The following MMP10 variants were observed in gnomAD, a reference collection of about 807,000 sequenced individuals.
MMP10 encodes stromelysin-2.
In MMP10, 50 loss-of-function variants were observed where a neutral mutation model predicts 49.1. The observed-to-expected ratio is 1.02, with a 90% CI of 0.81 to 1.29. The LOEUF (loss-of-function observed/expected upper bound fraction) is 1.29. Among genes scored for constraint, MMP10 ranks in the 50% most tolerant of loss-of-function variants. The pLI is 0.00. For synonymous variants in MMP10, 229 were observed against 201.6 expected (o/e 1.14, Z -1.15); for missense variants, 613 against 563.8 (o/e 1.09, Z -0.88).
intron 7 of MMP10, among the ~76,000 whole-genome samples, chr11:102,774,004 A>G (rs1466173303): frequency 6.6e-6 from 1 of 152,262 alleles, no homozygotes; most frequent in East Asian, 1.9e-4. Context: ...AATCCTTTAC[A>G]ATTTCTACTG....
In MMP10 at chr11:102,775,380, T is replaced by A. The variant is rs920510019; in HGVS notation, c.933-59A>T. ...CTCTTTTAGATATGTGAAAAAAAAATTCTTTTTTTTTAAATCCATGCTAAT... is the reference window on the plus strand; with the variant it reads ...CTCTTTTAGATATGTGAAAAAAAAAATCTTTTTTTTTAAATCCATGCTAAT... On this transcript the variant is annotated intron_variant, in intron 6 of 9. Coordinates refer to ENST00000279441, the MANE Select transcript of MMP10 (RefSeq NM_002425.3). 2.8e-5 allele frequency: 40 copies of A among 1,426,822 alleles called. No individual in the cohort carries two copies. The African/African-American group carries it at 4.2e-4, about 15-fold the overall frequency. The allele number at this position is 1,426,822 out of a possible 1,614,324, so 88.4% of individuals were successfully genotyped here.
At chr11:102,776,928 T>C in intron 4 of MMP10, 152 bp from the exon 5 acceptor site, 2 of 911,744 alleles carry the variant, frequency 2.2e-6, no homozygotes, top group Non-Finnish European at 3.3e-6. Flanking sequence ...ATTCCATACT[T>C]TATAGAAATT....
Position 102,780,567 on chromosome 11 carries a change from G to C in MMP10, c.25C>G (p.Leu9Val), listed in dbSNP as rs1189874302. 6.2e-7 allele frequency: 1 copy of C among 1,613,720 alleles called. No individual in the cohort carries two copies. Among genetic ancestry groups the C allele is most frequent in the East Asian group, 2.2e-5 (1 of 44,890 alleles). ...GCAGAGCAGACTGGCAGACACAACA[G>C]CACAAGGAATGCAAGATGCATCATT... MMHLAFLV[L>V]LCLPVCSAYP... The change falls in exon 1 of 10, where the codon CTG (leucine) becomes GTG (valine). Residue 9 changes from leucine to valine, a missense_variant. Transcript: ENST00000279441.
intron 7 of MMP10, 82 bp downstream of exon 7, chr11:102,775,106 A>G: frequency 9.3e-7 from 1 of 1,079,608 alleles, no homozygotes; most frequent in Non-Finnish European, 1.2e-6. Context: ...CTAAACTTTA[A>G]TATAATGGAT....
chr11:102,776,247 A>T (rs1325869214), intron 6 of MMP10, 33 bp downstream of exon 6: 4 of 1,587,768 alleles, frequency 2.5e-6, no homozygotes, highest in Non-Finnish European at 1.7e-6. Flanking sequence ...ACATCAAAAG[A>T]ATAGATAGGA....
intron 3 of MMP10, 118 bp downstream of exon 3, chr11:102,779,095 C>A: frequency 1.4e-6 from 2 of 1,428,904 alleles, no homozygotes; most frequent in East Asian, 2.3e-5. Context: ...GACTTCCCAG[C>A]CTCCAGAATT....
At chr11:102,776,822 C>T in intron 4 of MMP10, 46 bp from the exon 5 acceptor site, 1 of 1,607,068 alleles carries the variant, frequency 6.2e-7, no homozygotes, top group Non-Finnish European at 8.5e-7. Context: ...CTCTTTCTTC[C>T]ATAAATACAC....
chr11:102,774,399 A>G (rs1030233801), intron 7 of MMP10, among the ~76,000 whole-genome samples: 3 of 152,062 alleles, frequency 2.0e-5, no homozygotes, highest in Non-Finnish European at 4.4e-5. Context: ...TAATATAGAG[A>G]GTAAATAAAG....
chr11:102,779,780 G>A, intron 1 of MMP10, 35 bp from the exon 2 acceptor site: 4 of 1,582,800 alleles, frequency 2.5e-6, no homozygotes, highest in Non-Finnish European at 3.4e-6. Flanking sequence ...GCATTTTTGT[G>A]ATTTTCCATC....
intron 7 of MMP10, among the ~76,000 whole-genome samples, chr11:102,773,500 A>G (rs1345435688): frequency 1.3e-5 from 2 of 152,140 alleles, no homozygotes; most frequent in African/African-American, 4.8e-5. Context: ...ACTTTGTTAC[A>G]TCACTCTCCC....
chr11:102,773,218 T>G (rs1030311823), intron 7 of MMP10, among the ~76,000 whole-genome samples: 1 of 152,250 alleles, frequency 6.6e-6, no homozygotes, highest in Non-Finnish European at 1.5e-5. Context: ...CTGCCCTTTC[T>G]GTGTCTTATA....
At chr11:102,774,594 C>G (rs1417771683) in intron 7 of MMP10, among the ~76,000 whole-genome samples, 1 of 152,104 alleles carries the variant, frequency 6.6e-6, no homozygotes, top group Non-Finnish European at 1.5e-5. Flanking sequence ...TGAAAACAGA[C>G]AAAATTGGCA....
rs186671241 is a variant in MMP10, at chr11:102,779,472, A to C, written c.347+32T>G. On this transcript the variant is annotated intron_variant, in intron 2 of 9. Coordinates refer to ENST00000279441, the MANE Select transcript of MMP10 (RefSeq NM_002425.3). The stretch of plus-strand genomic sequence containing the variant: ...TATGACGAGTAACTTATAAGGTTTC[A>C]ATATTATGTGAAAACTAATCTGAAC... The C allele has an allele frequency of 1.9e-4, 311 of 1,612,292 alleles. 2 individuals carry two copies. The African/African-American group carries it at 3.5e-3, about 18-fold the overall frequency.
At position 102,778,713 on chromosome 11, in the gene MMP10, T is replaced by C; in HGVS notation, c.533A>G (p.His178Arg). The C allele has an allele frequency of 6.2e-7, 1 of 1,613,948 alleles. No homozygotes were observed. Among genetic ancestry groups the C allele is most frequent in the Non-Finnish European group, 8.5e-7 (1 of 1,179,940 alleles). The part of the protein sequence containing the change: ...GDFYSFDGPG[H>R]SLAHAYPPGP... ...AGGTGGGTAGGCATGAGCCAAACTG[T>C]GTCCTGGGCCATCAAAAGAGTAAAA... Residue 178 changes from histidine to arginine, a missense_variant, in exon 4 of 10, where the codon CAC becomes CGC. His to Arg is a conservative substitution (Grantham distance 29, BLOSUM62 0). Transcript: ENST00000279441.
chr11:102,775,360 T>C (rs753288033), intron 6 of MMP10, 39 bp from the exon 7 acceptor site: 2 of 1,541,954 alleles, frequency 1.3e-6, no homozygotes, highest in Admixed American at 3.9e-5. Context: ...TCTTTCTCTT[T>C]TAGATATGTG....
chr11:102,773,240 A>G (rs1057159490), intron 7 of MMP10, among the ~76,000 whole-genome samples: 1 of 152,196 alleles, frequency 6.6e-6, no homozygotes. Context: ...ATTTGTATCT[A>G]TATGTTATAG....
Position 102,775,275 on chromosome 11 carries a change from A to G in MMP10, c.979T>C (p.Leu327=). The stretch of plus-strand genomic sequence containing the variant: ...AGAGAGGGCCAAAATGCAGAAATCA[A>G]ATGAAATTCAGGTTCAGGGTTCCAG... ...SHWNPEPEFH[L]ISAFWPSLPS... Residue 327 remains leucine, a synonymous_variant, in exon 7 of 10, where the codon TTG becomes CTG. Coordinates refer to ENST00000279441, the MANE Select transcript of MMP10 (RefSeq NM_002425.3). 6.2e-7 allele frequency: 1 copy of G among 1,610,246 alleles called. No individual in the cohort carries two copies. The highest frequency in any genetic ancestry group is 8.5e-7 in the Non-Finnish European group (1 of 1,177,852).
Position 102,770,842 on chromosome 11 carries a change from G to A in MMP10, c.1382C>T (p.Ala461Val), listed in dbSNP as rs557821833. The A allele has an allele frequency of 6.2e-7, 1 of 1,612,922 alleles. No individual in the cohort carries two copies. Among genetic ancestry groups the A allele is most frequent in the South Asian group, 1.1e-5 (1 of 90,848 alleles). ...CTTTAATATGTGTGTCACCATCCTG[G>A]CATTGGGGTCAAACTCAAACTGTGA... is the stretch of plus-strand genomic sequence containing the variant. ...GSSQFEFDPN[A>V]RMVTHILKSN... The change falls in exon 10 of 10, where the codon GCC (alanine) becomes GTC (valine). Residue 461 changes from alanine (A) to valine (V), a missense_variant. Physicochemically the swap from Ala to Val is moderately conservative, Grantham distance 64. Transcript: ENST00000279441.
Position 102,776,671 on chromosome 11 carries a change from G to C in MMP10, c.728C>G (p.Thr243Arg). 6.2e-7 allele frequency: 1 copy of C among 1,614,038 alleles called. No individual in the cohort carries two copies. The highest frequency in any genetic ancestry group is 8.5e-7 in the Non-Finnish European group (1 of 1,179,964). ...CGAAAGGCGGAACTGGGCGAGCTCT[G>C]TGAATGAGTTGTAGAGTGGGTACAT... Reference protein sequence around the residue: ...ALMYPLYNSFTELAQFRLSQD... With the variant: ...ALMYPLYNSFRELAQFRLSQD... Residue 243 changes from threonine to arginine, a missense_variant, in exon 5 of 10, where the codon ACA becomes AGA. Physicochemically the swap from Thr to Arg is moderately conservative, Grantham distance 71 (BLOSUM62 -1). Coordinates refer to ENST00000279441, the MANE Select transcript of MMP10 (RefSeq NM_002425.3).
Sources: allele counts gnomAD v4.1 joint callset (sites outside exome capture counted in the v4.1 genomes callset), GRCh38; gene constraint gnomAD v4.1.1; transcripts MANE v1.5; gene names NCBI Gene and HGNC (gene_info 2026-07-23, HGNC 2026-07-21).